Variants in IGSF11 observed in about 807,000 individuals in gnomAD.
The protein encoded by IGSF11 is immunoglobulin superfamily member 11, also known as CXADR like 1.
Under a neutral mutation model 41.0 loss-of-function variants are expected in IGSF11, and 22 were observed. The ratio of observed to expected loss-of-function variants is 0.54; its 90% confidence interval spans 0.38 to 0.77. The LOEUF is 0.77. IGSF11 is among the 30% of genes least tolerant of loss of function. IGSF11 has a pLI of 0.00. For synonymous variants in IGSF11, 219 were observed against 201.3 expected, an observed-to-expected ratio of 1.09 and a Z score of -0.74; for missense variants, 444 against 530.8, an observed-to-expected ratio of 0.84 and a Z score of 1.61.
intron 1 of IGSF11, among the ~76,000 whole-genome samples, chr3:118,939,257 G>C (rs1264267358): frequency 6.6e-6 from 1 of 151,948 alleles, no homozygotes; most frequent in Non-Finnish European, 1.5e-5. Context: ...AAGAAATCTA[G>C]AAAACCATCA....
chr3:119,000,379 C>G (rs961113628), intron 1 of IGSF11, among the ~76,000 whole-genome samples: 1 of 150,410 alleles, frequency 6.6e-6, no homozygotes, highest in Admixed American at 6.6e-5. Flanking sequence ...CTAATTGACA[C>G]CCTTCTGGGA....
At chr3:118,933,768 C>A (rs1943047381) in intron 1 of IGSF11, among the ~76,000 whole-genome samples, 1 of 152,074 alleles carries the variant, frequency 6.6e-6, no homozygotes, top group Non-Finnish European at 1.5e-5. Context: ...TGATGACAAA[C>A]TTTAAAACTA....
chr3:118,952,524 T>C (rs1271179972), intron 1 of IGSF11, among the ~76,000 whole-genome samples: 3 of 152,194 alleles, frequency 2.0e-5, no homozygotes, highest in African/African-American at 7.2e-5. Context: ...GAAACCATTT[T>C]CTTTGCTCAT....
chr3:119,075,549 C>G (rs563437733), intron 1 of IGSF11, among the ~76,000 whole-genome samples: 1 of 152,234 alleles, frequency 6.6e-6, no homozygotes, highest in African/African-American at 2.4e-5. Context: ...GCCAATATCC[C>G]TCATAAACGT....
chr3:119,142,511 A>G (rs1201987740), intron 1 of IGSF11, among the ~76,000 whole-genome samples: 1 of 152,140 alleles, frequency 6.6e-6, no homozygotes, highest in Admixed American at 6.5e-5. Flanking sequence ...AAAATGTTCA[A>G]AGAGCTAGGG....
At chr3:118,917,020 G>C (rs202238696) in intron 4 of IGSF11, among the ~76,000 whole-genome samples, 1,620 of 152,082 alleles carry the variant, frequency 0.011, 32 homozygotes, top group East Asian at 0.064. Context: ...GGGTACATAA[G>C]GAAATGAAGG....
chr3:118,909,452 G>A (rs1337391059), intron 4 of IGSF11, among the ~76,000 whole-genome samples: 1 of 152,000 alleles, frequency 6.6e-6, no homozygotes, highest in Non-Finnish European at 1.5e-5. Flanking sequence ...CAAAATAAAT[G>A]TCAAAAATCT....
intron 1 of IGSF11, among the ~76,000 whole-genome samples, chr3:119,003,947 G>A (rs896122310): frequency 3.6e-4 from 55 of 150,932 alleles, no homozygotes; most frequent in African/African-American, 1.0e-3. Flanking sequence ...GTCTCTGCCC[G>A]GCTTTGGTAT....
chr3:119,134,514 G>T (rs1292401093), intron 1 of IGSF11, among the ~76,000 whole-genome samples: 1 of 152,150 alleles, frequency 6.6e-6, no homozygotes, highest in Non-Finnish European at 1.5e-5. Context: ...CAAGGGATGT[G>T]AAGGACCTCT....
rs1055173392 is a variant in IGSF11, at chr3:119,002,372, G to T, written c.52+32159C>A. 6.8e-3 allele frequency among the ~76,000 whole-genome samples: 1,032 copies of T among 151,006 alleles called. 7 individuals carry two copies. Among genetic ancestry groups the T allele is most frequent in the Non-Finnish European group, 9.7e-3 (661 of 67,926 alleles). On this transcript the variant is annotated intron_variant, in intron 1 of 6. Transcript: ENST00000393775. ...AGTTCTTTGTAGATTCTGGATATTA[G>T]CCCTTTGTCAGATGAGTAGGTTGTG...
chr3:119,046,316 A>T (rs1258560485), intron 1 of IGSF11, among the ~76,000 whole-genome samples: 1 of 151,982 alleles, frequency 6.6e-6, no homozygotes, highest in African/African-American at 2.4e-5. Context: ...GATGGAGCTG[A>T]AAACCAAGGC....
intron 1 of IGSF11, among the ~76,000 whole-genome samples, chr3:119,116,132 T>C (rs2077253016): frequency 6.6e-6 from 1 of 152,174 alleles, no homozygotes; most frequent in Admixed American, 6.5e-5. Flanking sequence ...TGTTTCTAGA[T>C]GAGATTAGCA....
intron 1 of IGSF11, among the ~76,000 whole-genome samples, chr3:118,965,950 G>A (rs1372841008): frequency 6.6e-6 from 1 of 151,668 alleles, no homozygotes; most frequent in Non-Finnish European, 1.5e-5. Flanking sequence ...GCAGTTCATA[G>A]CGTTCAGAAA....
Position 119,028,974 on chromosome 3 carries a change from A to G in IGSF11, c.52+5557T>C, listed in dbSNP as rs546564036. Among the ~76,000 whole-genome samples the G allele has an allele frequency of 5.9e-5, 9 of 152,182 alleles. No individual in the cohort carries two copies. The South Asian group carries it at 1.9e-3, about 32-fold the overall frequency. ...AGGGGAGGCTGAGTGAAGGGTGTGC[A>G]TGGGACCACTCTGTACATTTCTTTA... On this transcript the variant is annotated intron_variant, in intron 1 of 6. Coordinates refer to ENST00000393775, the MANE Select transcript of IGSF11 (RefSeq NM_001015887.3).
chr3:119,039,303 T>C (rs552810399), upstream of IGSF11, among the ~76,000 whole-genome samples: 41 of 152,062 alleles, frequency 2.7e-4, 1 homozygote, highest in Non-Finnish European at 4.1e-4. Flanking sequence ...CCGGGGAGAA[T>C]CATTTTCTTA....
intron 1 of IGSF11, among the ~76,000 whole-genome samples, chr3:118,987,409 G>A (rs1935365807): frequency 6.6e-6 from 1 of 152,134 alleles, no homozygotes. Flanking sequence ...ACTATGAGGT[G>A]GTATGAATCA....
chr3:118,930,230 T>A lies in IGSF11; in HGVS notation c.98A>T (p.Gln33Leu), dbSNP rs1320515847. The change falls in exon 2 of 7, where the codon CAG (glutamine) becomes CTG (leucine). Residue 33 changes from glutamine to leucine, a missense_variant. Around this residue, in one of 3 missense-constraint regions of IGSF11, gnomAD observed 193 missense variants for 283.5 expected, o/e 0.68. Coordinates refer to ENST00000393775, the MANE Select transcript of IGSF11 (RefSeq NM_001015887.3). ...GACTGCTGGCTGACCCCGGGCCACC[T>A]GGATACTCCCAGGGCTCTCTGACAC... ...LEVSESPGSI[Q>L]VARGQPAVLP... 1 of 1,613,960 alleles carries A rather than the reference T, an allele frequency of 6.2e-7. No individual in the cohort carries two copies. Among genetic ancestry groups the A allele is most frequent in the Non-Finnish European group, 8.5e-7 (1 of 1,179,886 alleles).
intron 1 of IGSF11, among the ~76,000 whole-genome samples, chr3:119,025,191 AC>A (rs1417739940): frequency 2.0e-5 from 3 of 152,288 alleles, no homozygotes; most frequent in African/African-American, 7.2e-5. Context: ...ACATGTTAAA[AC>A]CAGCCACATA....
intron 1 of IGSF11, among the ~76,000 whole-genome samples, chr3:118,974,249 A>G (rs1252433350): frequency 2.6e-5 from 4 of 152,208 alleles, no homozygotes; most frequent in Admixed American, 2.0e-4. Context: ...AGCCTTTACT[A>G]AAAGTATTTG....
Sources: allele counts gnomAD v4.1 joint callset (sites outside exome capture counted in the v4.1 genomes callset), GRCh38; gene constraint gnomAD v4.1.1; regional missense constraint gnomAD v4.1.1; transcripts MANE v1.5; gene names NCBI Gene and HGNC (gene_info 2026-07-23, HGNC 2026-07-21).